The following AIMP2 variants were observed in gnomAD, a reference collection of about 807,000 sequenced individuals.
The protein encoded by AIMP2 is aminoacyl tRNA synthetase complex interacting multifunctional protein 2, also known as aminoacyl tRNA synthase complex-interacting multifunctional protein 2.
AIMP2 carries 20 observed loss-of-function variants against 23.4 expected under a neutral mutation model. The observed-to-expected ratio is 0.85, with a 90% CI of 0.60 to 1.24. The LOEUF is 1.24. Ranked by LOEUF, AIMP2 falls within the 50% of genes most tolerant of loss-of-function variation. The probability of loss-of-function intolerance (pLI) is 0.00; values close to 1 mark genes in which losing one functional copy is unlikely to be tolerated. For synonymous variants in AIMP2, 210 were observed against 170.4 expected, an observed-to-expected ratio of 1.23 and a Z score of -1.81; for missense variants, 515 against 414.5, an observed-to-expected ratio of 1.24 and a Z score of -2.10.
chr7:6,009,968 A>ATATACAT (rs1289301847), intron 1 of AIMP2, among the ~76,000 whole-genome samples: 1 of 36,688 alleles, frequency 2.7e-5, no homozygotes, highest in Non-Finnish European at 5.5e-5. Context: ...AAAAAAAAAA[A>ATATACAT]AAAAAAATAT....
intron 3 of AIMP2, among the ~76,000 whole-genome samples, chr7:6,019,661 A>G (rs376720231): frequency 1.3e-5 from 2 of 152,134 alleles, no homozygotes; most frequent in East Asian, 3.9e-4. Context: ...GAATTGCTTG[A>G]TATGTACCAG....
chr7:6,012,471 G>A (rs1245025066), intron 1 of AIMP2, among the ~76,000 whole-genome samples: 1 of 152,060 alleles, frequency 6.6e-6, no homozygotes, highest in East Asian at 1.9e-4. Flanking sequence ...CTCAGATCAC[G>A]AAGGACTAGA....
chr7:6,015,045 G>C, intron 1 of AIMP2, 101 bp from the exon 2 acceptor site: 1 of 1,581,786 alleles, frequency 6.3e-7, no homozygotes, highest in South Asian at 1.2e-5. Context: ...TAAAGGGTGG[G>C]AGGTTTGGTG....
At chr7:6,012,846 C>G (rs1222774446) in intron 1 of AIMP2, 1 of 998,702 alleles carries the variant, frequency 1.0e-6, no homozygotes, top group Non-Finnish European at 1.2e-6. Flanking sequence ...GCCACTGTGC[C>G]TAGCCAGCAC....
In AIMP2 at chr7:6,023,322, A is replaced by T; in HGVS notation, c.594A>T (p.Lys198Asn). 1 of 1,602,342 alleles carries T rather than the reference A, an allele frequency of 6.2e-7. No homozygotes were observed. Among genetic ancestry groups the T allele is most frequent in the Non-Finnish European group, 8.5e-7 (1 of 1,175,444 alleles). ...IWKNVPKTQM[K>N]FSIQTMCPIE... ...TTTCAGTGCCGAAGACGCAGATGAA[A>T]TTCAGCATCCAGACGATGTGCCCCA... The change falls in exon 4 of 4, where the codon AAA (lysine) becomes AAT (asparagine). Residue 198 changes from lysine to asparagine, a missense_variant. Transcript: ENST00000223029.
In AIMP2 at chr7:6,015,340, A is replaced by G. The variant is rs759696898; in HGVS notation, c.330A>G (p.Ser110=). The change falls in exon 2 of 4, where the codon TCA becomes TCG. Residue 110 remains serine, a synonymous_variant. Transcript: ENST00000223029. The part of the protein sequence containing the change: ...TLTTNALDLN[S]VLGKDYGALK... ...CCACCAATGCGCTGGACTTGAATTC[A>G]GTGCTTGGGAAGGTAGGTTCGTTTT... The G allele has an allele frequency of 1.2e-6, 2 of 1,614,146 alleles. No homozygotes were observed. The highest frequency in any genetic ancestry group is 1.7e-6 in the Non-Finnish European group (2 of 1,179,996).
intron 3 of AIMP2, 33 bp downstream of exon 3, chr7:6,018,078 C>T: frequency 1.3e-6 from 2 of 1,548,308 alleles, no homozygotes; most frequent in Non-Finnish European, 1.8e-6. Flanking sequence ...AACTTACACA[C>T]AGCTGCCCCT....
chr7:6,023,758 A>AAGGGGAC lies in AIMP2; in HGVS notation c.*68_*74dup, dbSNP rs1283801294. 6.2e-7 allele frequency: 1 copy of AAGGGGAC among 1,611,448 alleles called. No individual in the cohort carries two copies. The highest frequency in any genetic ancestry group is 8.5e-7 in the Non-Finnish European group (1 of 1,178,432). On this transcript the variant is annotated 3_prime_UTR_variant, in exon 4 of 4. Transcript: ENST00000223029. ...GTGCTCTTTCATGCCTATTATCAGT[A>AAGGGGAC]AGGGGACTTGTATTAGAGTCAGAGT...
chr7:6,010,623 AT>A (rs1192148399), intron 1 of AIMP2, among the ~76,000 whole-genome samples: 1 of 151,316 alleles, frequency 6.6e-6, no homozygotes, highest in Non-Finnish European at 1.5e-5. Context: ...TAATTTTTCT[AT>A]TTTTGGTAGA....
intron 1 of AIMP2, chr7:6,012,709 C>A: frequency 1.9e-6 from 1 of 535,748 alleles, no homozygotes; most frequent in Non-Finnish European, 3.0e-6. Context: ...ACAGGTGCCC[C>A]CCACCAAGCC....
Position 6,015,165 on chromosome 7 carries a change from T to C in AIMP2, c.155T>C (p.Leu52Pro), listed in dbSNP as rs778920772. The change falls in exon 2 of 4, where the codon CTG (leucine) becomes CCG (proline). Residue 52 changes from leucine to proline, a missense_variant. By Grantham distance (98) the Leu-to-Pro change is moderately conservative. Transcript: ENST00000223029. ...GHVQEESNLS[L>P]QALESRQDDI... Reference sequence around the variant, plus strand: ...GTTTAGGAAGAGTCTAACCTGTCTCTGCAAGCTCTTGAGTCCCGCCAAGAT... The same window carrying C: ...GTTTAGGAAGAGTCTAACCTGTCTCCGCAAGCTCTTGAGTCCCGCCAAGAT... The C allele has an allele frequency of 3.7e-5, 60 of 1,614,060 alleles. No individual in the cohort carries two copies. The highest frequency in any genetic ancestry group is 4.7e-5 in the Non-Finnish European group (56 of 1,180,024).
Position 6,016,508 on chromosome 7 carries a change from C to T in AIMP2, c.342+1156C>T, listed in dbSNP as rs149880598. Reference sequence around the variant, plus strand: ...TTCATTCAGTACTTGTTGGCATGCACTGAGGACTCAGATGAGGTGCAACCA... The same window carrying T: ...TTCATTCAGTACTTGTTGGCATGCATTGAGGACTCAGATGAGGTGCAACCA... On this transcript the variant is annotated intron_variant, in intron 2 of 3. Transcript: ENST00000223029. Among the ~76,000 whole-genome samples, 437 of 152,316 alleles carry T rather than the reference C, an allele frequency of 2.9e-3. 1 individual carries two copies. Among genetic ancestry groups the T allele is most frequent in the Non-Finnish European group, 5.2e-3 (353 of 68,042 alleles).
At chr7:6,009,614 T>A in intron 1 of AIMP2, 116 bp downstream of exon 1, 1 of 932,364 alleles carries the variant, frequency 1.1e-6, no homozygotes, top group Non-Finnish European at 1.4e-6. Flanking sequence ...CCCCGGCATC[T>A]GTGCCGGCCG....
In AIMP2 at chr7:6,017,988, A is replaced by ACT. The variant is rs761480147; in HGVS notation, c.517_518insCT (p.Asn173ThrfsTer16). The ACT allele has an allele frequency of 6.2e-7, 1 of 1,614,032 alleles. No homozygotes were observed. The highest frequency in any genetic ancestry group is 8.5e-7 in the Non-Finnish European group (1 of 1,180,022). On this transcript the variant is annotated frameshift_variant, in exon 3 of 4. Transcript: ENST00000223029. LOFTEE classifies it high-confidence loss of function. ...CCTTCTCAAGTGCTTTGGAGAACAG[A>ACT]ATAAAAAACAGCCCCGCCAAGACTA...
rs758656381 is a variant in AIMP2, at chr7:6,015,350, A to T, written c.340A>T (p.Lys114Ter). ...GCTGGACTTGAATTCAGTGCTTGGGAAGGTAGGTTCGTTTTGAAAGCTGAA... is the reference window on the plus strand; with the variant it reads ...GCTGGACTTGAATTCAGTGCTTGGGTAGGTAGGTTCGTTTTGAAAGCTGAA... ...NALDLNSVLG[K>*]DYGALKDIVI... Residue 114 changes from lysine to a stop codon, truncating the protein, a stop_gained and splice_region_variant, in exon 2 of 4, where the codon AAG becomes TAG. Transcript: ENST00000223029. LOFTEE classifies it high-confidence loss of function. 1 of 1,614,054 alleles carries T rather than the reference A, an allele frequency of 6.2e-7. No homozygotes were observed. The highest frequency in any genetic ancestry group is 8.5e-7 in the Non-Finnish European group (1 of 1,179,954).
At chr7:6,018,789 A>G (rs1787196573) in intron 3 of AIMP2, among the ~76,000 whole-genome samples, 1 of 151,950 alleles carries the variant, frequency 6.6e-6, no homozygotes, top group African/African-American at 2.4e-5. Context: ...AGCCAAGATC[A>G]CGCCATTGTA....
chr7:6,020,158 T>C (rs1040176166), intron 3 of AIMP2, among the ~76,000 whole-genome samples: 4 of 152,130 alleles, frequency 2.6e-5, no homozygotes, highest in African/African-American at 9.7e-5. Flanking sequence ...TGGTGGTTCA[T>C]GCCTGTAATC....
At chr7:6,012,918 C>T (rs1786782182) in intron 1 of AIMP2, 1 of 989,324 alleles carries the variant, frequency 1.0e-6, no homozygotes, top group East Asian at 1.1e-4. Flanking sequence ...CTTCACATTT[C>T]TCTGACGTTT....
intron 2 of AIMP2, among the ~76,000 whole-genome samples, 179 bp from the exon 3 acceptor site, chr7:6,017,633 TCC>T (rs1314334801): frequency 6.6e-6 from 1 of 152,080 alleles, no homozygotes; most frequent in Non-Finnish European, 1.5e-5. Flanking sequence ...CCAGCTCCAC[TCC>T]GTCCTGAGCG....
Sources: allele counts gnomAD v4.1 joint callset (sites outside exome capture counted in the v4.1 genomes callset), GRCh38; gene constraint gnomAD v4.1.1; transcripts MANE v1.5; gene names NCBI Gene and HGNC (gene_info 2026-07-23, HGNC 2026-07-21).